The following PLPPR1 variants were observed in gnomAD, a reference collection of about 807,000 sequenced individuals.
PLPPR1 encodes the protein phospholipid phosphatase-related protein type 1.
Under a neutral mutation model 33.1 loss-of-function variants are expected in PLPPR1, and 10 were observed. The ratio of observed to expected loss-of-function variants is 0.30; its 90% confidence interval spans 0.19 to 0.51. The LOEUF (loss-of-function observed/expected upper bound fraction) is 0.51, where lower values mean the gene tolerates loss of function less well. PLPPR1 is among the 20% of genes least tolerant of loss of function. The probability of loss-of-function intolerance (pLI) is 0.97; values close to 1 mark genes in which losing one functional copy is unlikely to be tolerated. For missense variants in PLPPR1, 304 were observed against 408.1 expected (o/e 0.74, Z 2.20); for synonymous variants, 151 against 151.0 (o/e 1.00, Z 0.00).
intron 2 of PLPPR1, among the ~76,000 whole-genome samples, chr9:101,193,994 C>T (rs1826348289): frequency 6.6e-6 from 1 of 152,180 alleles, no homozygotes; most frequent in Non-Finnish European, 1.5e-5. Flanking sequence ...GAGACTTCTA[C>T]AATCTGCCCT....
intron 2 of PLPPR1, among the ~76,000 whole-genome samples, chr9:101,200,757 A>G (rs1207724845): frequency 6.6e-6 from 1 of 152,198 alleles, no homozygotes; most frequent in Non-Finnish European, 1.5e-5. Flanking sequence ...CTTTTCCTTG[A>G]GAACATCTTC....
At chr9:101,138,664 C>T (rs966745782) in intron 1 of PLPPR1, among the ~76,000 whole-genome samples, 2 of 152,202 alleles carry the variant, frequency 1.3e-5, no homozygotes, top group Non-Finnish European at 2.9e-5. Context: ...AGTTACTTCA[C>T]TCATTAGCAC....
intron 1 of PLPPR1, among the ~76,000 whole-genome samples, chr9:101,160,879 T>C (rs1831763806): frequency 6.6e-6 from 1 of 152,134 alleles, no homozygotes. Context: ...AAATCTTAAA[T>C]CACTTTAGTG....
intron 1 of PLPPR1, among the ~76,000 whole-genome samples, chr9:101,152,268 G>A (rs1831599052): frequency 6.6e-6 from 1 of 152,170 alleles, no homozygotes; most frequent in Non-Finnish European, 1.5e-5. Context: ...CTGTAAATGT[G>A]TTTAAGTTCT....
At chr9:101,137,166 A>G (rs1028100555) in intron 1 of PLPPR1, among the ~76,000 whole-genome samples, 1 of 152,174 alleles carries the variant, frequency 6.6e-6, no homozygotes, top group African/African-American at 2.4e-5. Flanking sequence ...CTCTTCACTG[A>G]GCCTGTTCCT....
At chr9:101,171,462 T>G (rs1267448420) in intron 1 of PLPPR1, among the ~76,000 whole-genome samples, 1 of 152,124 alleles carries the variant, frequency 6.6e-6, no homozygotes, top group Admixed American at 6.6e-5. Flanking sequence ...TCTCACTGCT[T>G]TAGTCGGGGA....
intron 2 of PLPPR1, among the ~76,000 whole-genome samples, chr9:101,216,417 A>G (rs1330488065): frequency 6.6e-6 from 1 of 152,036 alleles, no homozygotes; most frequent in Non-Finnish European, 1.5e-5. Flanking sequence ...ATTCTTAGAT[A>G]GACTGGTTAT....
chr9:101,110,930 A>G (rs1831048221), intron 1 of PLPPR1, among the ~76,000 whole-genome samples: 1 of 152,132 alleles, frequency 6.6e-6, no homozygotes, highest in Admixed American at 6.5e-5. Context: ...CCATGGTCCC[A>G]TAAGATGTTC....
intron 2 of PLPPR1, among the ~76,000 whole-genome samples, chr9:101,196,915 A>G (rs1826407264): frequency 6.6e-6 from 1 of 152,196 alleles, no homozygotes; most frequent in Admixed American, 6.5e-5. Flanking sequence ...AAATATTCAA[A>G]TTAGATAGTT....
chr9:101,206,521 T>C (rs575526357), intron 2 of PLPPR1, among the ~76,000 whole-genome samples: 29 of 152,328 alleles, frequency 1.9e-4, no homozygotes, highest in Admixed American at 1.4e-3. Context: ...TTTTCTGTTC[T>C]GTGCTTTTGA....
At chr9:101,204,648 G>A (rs1826555707) in intron 2 of PLPPR1, among the ~76,000 whole-genome samples, 1 of 152,124 alleles carries the variant, frequency 6.6e-6, no homozygotes, top group African/African-American at 2.4e-5. Flanking sequence ...ACTGGGTCTT[G>A]AGGGCTCTGG....
At chr9:101,092,066 G>A (rs919686746) in intron 1 of PLPPR1, among the ~76,000 whole-genome samples, 3 of 152,018 alleles carry the variant, frequency 2.0e-5, no homozygotes, top group African/African-American at 7.3e-5. Flanking sequence ...CTTTATTTCA[G>A]CTGCTTCTGA....
intron 4 of PLPPR1, among the ~76,000 whole-genome samples, chr9:101,304,958 G>A (rs1828829231): frequency 6.6e-6 from 1 of 151,916 alleles, no homozygotes; most frequent in Non-Finnish European, 1.5e-5. Flanking sequence ...TTGAGTTCTT[G>A]TCCAGGAGTC....
At chr9:101,109,237 G>A (rs1411685854) in intron 1 of PLPPR1, among the ~76,000 whole-genome samples, 1 of 149,538 alleles carries the variant, frequency 6.7e-6, no homozygotes, top group Admixed American at 6.7e-5. Flanking sequence ...GCCTCCCAAA[G>A]TGCTGGGATT....
chr9:101,100,148 A>C (rs1830879693), intron 1 of PLPPR1, among the ~76,000 whole-genome samples: 1 of 151,282 alleles, frequency 6.6e-6, no homozygotes, highest in Non-Finnish European at 1.5e-5. Flanking sequence ...CATGAAATTT[A>C]CAAAAAAAAA....
intron 4 of PLPPR1, among the ~76,000 whole-genome samples, chr9:101,298,961 TCCCAGGGAAACAGATG>T (rs1008068776): frequency 6.6e-6 from 1 of 152,108 alleles, no homozygotes; most frequent in African/African-American, 2.4e-5. Context: ...ACAGGGATGA[TCCCAGGGAAACAGATG>T]CCCAGGGAAC....
chr9:101,154,761 A>G (rs1831653442), intron 1 of PLPPR1, among the ~76,000 whole-genome samples: 1 of 152,046 alleles, frequency 6.6e-6, no homozygotes, highest in Non-Finnish European at 1.5e-5. Context: ...GCACATATAC[A>G]CCATGGAATA....
chr9:101,181,793 C>G (rs995316651), intron 1 of PLPPR1, among the ~76,000 whole-genome samples: 3 of 147,400 alleles, frequency 2.0e-5, no homozygotes, highest in African/African-American at 7.5e-5. Flanking sequence ...CCTAATACAC[C>G]AGATTTTCTT....
At chr9:101,137,766 A>G (rs1195998613) in intron 1 of PLPPR1, among the ~76,000 whole-genome samples, 1 of 152,218 alleles carries the variant, frequency 6.6e-6, no homozygotes, top group African/African-American at 2.4e-5. Context: ...CCTCTGAAAT[A>G]GTCATAATGT....
Sources: gnomAD v4.1 joint callset for allele counts (sites outside exome capture counted in the v4.1 genomes callset) on GRCh38, gnomAD v4.1.1 for gene constraint, MANE v1.5 for transcripts, NCBI Gene and HGNC (gene_info 2026-07-23, HGNC 2026-07-21) for gene names.